The following ENOX1 variants were observed in gnomAD, a reference collection of about 807,000 sequenced individuals.
The protein encoded by ENOX1 is candidate growth-related and time keeping constitutive hydroquinone (NADH) oxidase.
A neutral mutation model predicts 82.5 loss-of-function variants in ENOX1; 42 were observed. The observed-to-expected ratio is 0.51, with a 90% confidence interval of 0.40 to 0.66. The LOEUF (loss-of-function observed/expected upper bound fraction) is 0.66, where lower values mean the gene tolerates loss of function less well. Among genes scored for constraint, ENOX1 ranks in the 30% least tolerant of loss-of-function variants. The probability of loss-of-function intolerance (pLI) is 0.00; values close to 1 mark genes in which losing one functional copy is unlikely to be tolerated. For missense variants in ENOX1, 608 were observed against 811.6 expected (o/e 0.75, Z 3.05); for synonymous variants, 271 against 282.2 (o/e 0.96, Z 0.40).
intron 8 of ENOX1, among the ~76,000 whole-genome samples, chr13:43,347,092 C>A (rs1344098351): frequency 6.6e-6 from 1 of 152,010 alleles, no homozygotes; most frequent in East Asian, 1.9e-4. Flanking sequence ...TCGCTTAGTT[C>A]ATAAATAGAC....
At chr13:43,627,703 T>C (rs1262288061) in intron 2 of ENOX1, among the ~76,000 whole-genome samples, 1 of 152,128 alleles carries the variant, frequency 6.6e-6, no homozygotes, top group Non-Finnish European at 1.5e-5. Flanking sequence ...TTTTGTTTAC[T>C]GTGTTCTTTC....
intron 1 of ENOX1, among the ~76,000 whole-genome samples, chr13:43,754,550 C>T (rs1198190573): frequency 6.7e-6 from 1 of 150,168 alleles, no homozygotes; most frequent in African/African-American, 2.5e-5. Flanking sequence ...CTAGGTTGGT[C>T]TCGAACTCCT....
intron 2 of ENOX1, among the ~76,000 whole-genome samples, chr13:43,614,348 G>C (rs1229619502): frequency 2.6e-5 from 4 of 152,154 alleles, no homozygotes; most frequent in Non-Finnish European, 4.4e-5. Flanking sequence ...ACTACACACA[G>C]CATGCCCTGA....
chr13:43,397,891 T>C (rs1308329492), intron 5 of ENOX1, among the ~76,000 whole-genome samples: 1 of 152,208 alleles, frequency 6.6e-6, no homozygotes, highest in African/African-American at 2.4e-5. Flanking sequence ...AGCTTATGTT[T>C]TGGAGGCTAA....
chr13:43,350,656 GCTGGTCTCGAACTC>G (rs1164192953), intron 8 of ENOX1, among the ~76,000 whole-genome samples: 2 of 152,140 alleles, frequency 1.3e-5, no homozygotes, highest in Non-Finnish European at 2.9e-5. Context: ...TGTTGGTCAG[GCTGGTCTCGAACTC>G]CTGACCTCAG....
chr13:43,511,693 C>G (rs2077374598), intron 2 of ENOX1, among the ~76,000 whole-genome samples: 1 of 152,132 alleles, frequency 6.6e-6, no homozygotes, highest in Non-Finnish European at 1.5e-5. Flanking sequence ...TAACATTTCA[C>G]TGATTCTTAC....
At chr13:43,425,479 T>C (rs1420841024) in intron 3 of ENOX1, among the ~76,000 whole-genome samples, 1 of 152,188 alleles carries the variant, frequency 6.6e-6, no homozygotes, top group Non-Finnish European at 1.5e-5. Context: ...GGAGGAGATA[T>C]TTGCCTCTTA....
At chr13:43,222,829 G>C (rs1030318760) in intron 16 of ENOX1, among the ~76,000 whole-genome samples, 3 of 152,280 alleles carry the variant, frequency 2.0e-5, no homozygotes, top group Admixed American at 2.0e-4. Context: ...TTTCATCTGA[G>C]TTTAACATGA....
At chr13:43,555,559 G>A (rs941551530) in intron 2 of ENOX1, among the ~76,000 whole-genome samples, 10 of 152,184 alleles carry the variant, frequency 6.6e-5, no homozygotes, top group Non-Finnish European at 5.9e-5. Flanking sequence ...ATGTGGCAAG[G>A]CAGAAGCTAT....
intron 1 of ENOX1, among the ~76,000 whole-genome samples, chr13:43,711,528 G>T (rs1391713493): frequency 1.3e-5 from 2 of 152,074 alleles, no homozygotes; most frequent in African/African-American, 4.8e-5. Context: ...CTAGTTTATA[G>T]TCCCACCAAC....
At chr13:43,359,071 C>T (rs1384935598) in intron 7 of ENOX1, among the ~76,000 whole-genome samples, 1 of 152,086 alleles carries the variant, frequency 6.6e-6, no homozygotes, top group Non-Finnish European at 1.5e-5. Flanking sequence ...GTCCCCCTGC[C>T]CCTCCCCACC....
intron 7 of ENOX1, 133 bp from the exon 8 acceptor site, chr13:43,356,285 A>G (rs761199321): frequency 3.5e-5 from 26 of 741,056 alleles, no homozygotes; most frequent in Non-Finnish European, 5.3e-5. Context: ...TCCCATAGGA[A>G]GCGGGAAACA....
At position 43,393,975 on chromosome 13, in the gene ENOX1, C is replaced by T. The variant is rs117441217; in HGVS notation, c.208+17941G>A. ...TGTTTAAAAGATCTTGGCACCACCT[C>T]CTCTCTCTCTTGTTCCCTCTCTTGC... On this transcript the variant is annotated intron_variant, in intron 5 of 16. Coordinates refer to ENST00000690772, the MANE Select transcript of ENOX1 (RefSeq NM_001347969.2). 6.1e-3 allele frequency among the ~76,000 whole-genome samples: 921 copies of T among 152,216 alleles called. 4 individuals carry two copies. The highest frequency in any genetic ancestry group is 8.9e-3 in the Non-Finnish European group (605 of 68,014).
chr13:43,245,297 C>T (rs1190483759), intron 14 of ENOX1, among the ~76,000 whole-genome samples: 2 of 152,210 alleles, frequency 1.3e-5, no homozygotes, highest in Non-Finnish European at 2.9e-5. Context: ...ACAGTGTCTT[C>T]CTGCTCCCTG....
chr13:43,392,139 G>A (rs186050856), intron 5 of ENOX1, among the ~76,000 whole-genome samples: 4 of 152,260 alleles, frequency 2.6e-5, no homozygotes, highest in East Asian at 1.9e-4. Context: ...GACACTGTTC[G>A]TGGTTACCTG....
chr13:43,611,438 G>A (rs1294543593), intron 2 of ENOX1, among the ~76,000 whole-genome samples: 1 of 152,084 alleles, frequency 6.6e-6, no homozygotes, highest in African/African-American at 2.4e-5. Context: ...CCGTCATTTT[G>A]GATTTATGTA....
At chr13:43,398,369 G>T (rs1594332281) in intron 5 of ENOX1, among the ~76,000 whole-genome samples, 1 of 151,992 alleles carries the variant, frequency 6.6e-6, no homozygotes, top group South Asian at 2.1e-4. Flanking sequence ...GGATTTTTTT[G>T]TTTGTTTCTC....
At chr13:43,723,772 T>TAC (rs147314757) in intron 1 of ENOX1, among the ~76,000 whole-genome samples, 5,033 of 149,254 alleles carry the variant, frequency 0.034, 152 homozygotes, top group Admixed American at 0.078. Context: ...TGCCTGAATC[T>TAC]ACACACACAC....
chr13:43,465,902 C>T (rs1162906423), intron 3 of ENOX1, among the ~76,000 whole-genome samples: 1 of 152,128 alleles, frequency 6.6e-6, no homozygotes, highest in Non-Finnish European at 1.5e-5. Context: ...GTATTTGGGT[C>T]TTCTTTTGAA....
Sources: gnomAD v4.1 joint callset for allele counts (sites outside exome capture counted in the v4.1 genomes callset) on GRCh38, gnomAD v4.1.1 for gene constraint, MANE v1.5 for transcripts, NCBI Gene and HGNC (gene_info 2026-07-23, HGNC 2026-07-21) for gene names.